STK10: variants seen among roughly 807,000 people sequenced by gnomAD.
STK10 encodes serine/threonine-protein kinase 10.
A neutral mutation model predicts 113.8 loss-of-function variants in STK10; 78 were observed. That is an observed-to-expected ratio of 0.69 (90% confidence interval 0.57 to 0.83). The LOEUF is 0.83. Ranked by LOEUF, STK10 falls within the 40% of genes least tolerant of loss-of-function variation. The probability of loss-of-function intolerance (pLI) is 0.00; values close to 1 mark genes in which losing one functional copy is unlikely to be tolerated. For synonymous variants in STK10, 465 were observed against 494.7 expected (o/e 0.94, Z 0.80); for missense variants, 1,109 against 1,280.1 (o/e 0.87, Z 2.04).
intron 7 of STK10, among the ~76,000 whole-genome samples, chr5:172,097,506 G>A (rs906967385): frequency 1.3e-5 from 2 of 152,228 alleles, no homozygotes; most frequent in African/African-American, 2.4e-5. Flanking sequence ...ACAGAGCATC[G>A]TGTGTGCAGT....
intron 1 of STK10, 93 bp from the exon 2 acceptor site, chr5:172,156,881 CAG>C (rs1770357883): frequency 6.9e-7 from 1 of 1,441,414 alleles, no homozygotes; most frequent in East Asian, 2.3e-5. Context: ...AGTGTGAAAA[CAG>C]AGGCCGGATG....
At chr5:172,051,896 G>A (rs1767638086) in intron 18 of STK10, among the ~76,000 whole-genome samples, 1 of 152,200 alleles carries the variant, frequency 6.6e-6, no homozygotes, top group South Asian at 2.1e-4. Flanking sequence ...GGAAGAAATT[G>A]TGACAGGGCT....
At chr5:172,172,672 A>T (rs1295775400) in intron 1 of STK10, among the ~76,000 whole-genome samples, 1 of 152,226 alleles carries the variant, frequency 6.6e-6, no homozygotes, top group African/African-American at 2.4e-5. Context: ...GATGAACAGC[A>T]TCCCCAGGTC....
At chr5:172,127,490 G>T (rs1769649222) in intron 2 of STK10, 69 bp from the exon 3 acceptor site, 4 of 1,555,602 alleles carry the variant, frequency 2.6e-6, no homozygotes, top group Non-Finnish European at 3.5e-6. Context: ...AACCCCACAG[G>T]CCCATTGGGC....
rs772775101 is a variant in STK10 at position 172,156,806 on chromosome 5, AG to A, written c.157-19del. 1 of 1,604,696 alleles carries A rather than the reference AG, an allele frequency of 6.2e-7. No individual in the cohort carries two copies. Among genetic ancestry groups the A allele is most frequent in the South Asian group, 1.1e-5 (1 of 90,746 alleles). On this transcript the variant is annotated intron_variant, in intron 1 of 18. Coordinates refer to ENST00000176763, the MANE Select transcript of STK10 (RefSeq NM_005990.4). ...TTCTTGGCCTGCAAAGAGGAGATAC[AG>A]GAGGTCAACAAGGCATGCTCCGCAG...
At chr5:172,104,532 A>G (rs1769057756) in intron 7 of STK10, among the ~76,000 whole-genome samples, 1 of 152,198 alleles carries the variant, frequency 6.6e-6, no homozygotes, top group African/African-American at 2.4e-5. Context: ...TCCCGCATAC[A>G]GCAGCCAGAA....
At chr5:172,090,675 G>A (rs982957482) in intron 9 of STK10, among the ~76,000 whole-genome samples, 4 of 151,908 alleles carry the variant, frequency 2.6e-5, no homozygotes, top group East Asian at 1.9e-4. Context: ...GGTGGCTTAC[G>A]CTTGTAATCC....
intron 2 of STK10, among the ~76,000 whole-genome samples, chr5:172,134,468 A>G (rs576841159): frequency 8.5e-5 from 13 of 152,258 alleles, no homozygotes; most frequent in Non-Finnish European, 1.8e-4. Context: ...AATTTTGAGG[A>G]CCTCTAAATA....
intron 15 of STK10, among the ~76,000 whole-genome samples, chr5:172,056,134 A>G (rs955002230): frequency 6.6e-6 from 1 of 152,098 alleles, no homozygotes; most frequent in Non-Finnish European, 1.5e-5. Flanking sequence ...ATAGATTTGA[A>G]TTTTTTCCTT....
At chr5:172,115,590 G>C (rs1292525526) in intron 4 of STK10, among the ~76,000 whole-genome samples, 1 of 152,178 alleles carries the variant, frequency 6.6e-6, no homozygotes, top group East Asian at 1.9e-4. Context: ...TTAACTCTTA[G>C]GAAGTGGGTT....
At chr5:172,167,772 G>A (rs1000887841) in intron 1 of STK10, among the ~76,000 whole-genome samples, 2 of 152,194 alleles carry the variant, frequency 1.3e-5, no homozygotes, top group Non-Finnish European at 2.9e-5. Flanking sequence ...TGTGGCTACC[G>A]TATTGAACAG....
In STK10 at chr5:172,042,963, C is replaced by T. The variant is rs1186589736; in HGVS notation, c.*1919G>A. 6.6e-6 allele frequency: 1 copy of T among 152,162 alleles called. No individual in the cohort carries two copies. Among genetic ancestry groups the T allele is most frequent in the Non-Finnish European group, 1.5e-5 (1 of 68,050 alleles). 9.4% of individuals were successfully genotyped at this position (152,162 alleles called of 1,614,324 possible). A position where few individuals can be genotyped will look rare whatever the true frequency, so the allele number is the denominator to read the frequency against. On this transcript the variant is annotated 3_prime_UTR_variant, in exon 19 of 19. Coordinates refer to ENST00000176763, the MANE Select transcript of STK10 (RefSeq NM_005990.4). ...TTTAGAAAGACAGAGTATACAGAAC[C>T]TTAACCTAGCTGGGTGCAGTAGCAT...
chr5:172,135,586 G>C (rs1270121646), intron 2 of STK10, among the ~76,000 whole-genome samples: 1 of 152,192 alleles, frequency 6.6e-6, no homozygotes, highest in Admixed American at 6.5e-5. Flanking sequence ...ACTGATGGTG[G>C]TAATGTAAAA....
At chr5:172,075,650 A>T (rs1768290028) in intron 12 of STK10, among the ~76,000 whole-genome samples, 1 of 152,228 alleles carries the variant, frequency 6.6e-6, no homozygotes, top group South Asian at 2.1e-4. Context: ...ATTGCACTCC[A>T]GCCTGGGCGA....
At chr5:172,090,424 A>G (rs927507198) in intron 9 of STK10, 62 bp from the exon 10 acceptor site, 4 of 1,581,408 alleles carry the variant, frequency 2.5e-6, no homozygotes, top group African/African-American at 1.3e-5. Context: ...TGGCTGTCGC[A>G]GCAGGTGAGG....
intron 1 of STK10, among the ~76,000 whole-genome samples, chr5:172,164,956 G>C (rs1348065856): frequency 6.6e-6 from 1 of 152,188 alleles, no homozygotes; most frequent in Non-Finnish European, 1.5e-5. Context: ...GATACACAGT[G>C]GCCACTTGTG....
At chr5:172,172,251 T>A (rs6885186) in intron 1 of STK10, among the ~76,000 whole-genome samples, 31,618 of 152,090 alleles carry the variant, frequency 0.21, 3,381 homozygotes, top group Middle Eastern at 0.26. Context: ...TTCCCCAACG[T>A]CATCTCCAAG....
At chr5:172,156,873 T>C in intron 1 of STK10, 85 bp from the exon 2 acceptor site, 1 of 1,485,962 alleles carries the variant, frequency 6.7e-7, no homozygotes, top group Non-Finnish European at 9.1e-7. Context: ...CCTGCATGAG[T>C]GTGAAAACAG....
intron 8 of STK10, among the ~76,000 whole-genome samples, chr5:172,096,130 G>A (rs1768843741): frequency 6.6e-6 from 1 of 152,152 alleles, no homozygotes; most frequent in Non-Finnish European, 1.5e-5. Context: ...AACAAAGGAT[G>A]GGAAGCCATG....
Sources: gnomAD v4.1 joint callset for allele counts (sites outside exome capture counted in the v4.1 genomes callset) on GRCh38, gnomAD v4.1.1 for gene constraint, MANE v1.5 for transcripts, NCBI Gene and HGNC (gene_info 2026-07-23, HGNC 2026-07-21) for gene names.